ASIC2: variants seen among roughly 807,000 people sequenced by gnomAD.
The protein encoded by ASIC2 is acid-sensing ion channel 2.
A neutral mutation model predicts 57.3 loss-of-function variants in ASIC2; 25 were observed. The observed-to-expected ratio is 0.44, with a 90% confidence interval of 0.32 to 0.61. ASIC2 has a LOEUF of 0.61. Ranked by LOEUF, ASIC2 falls within the 20% of genes least tolerant of loss-of-function variation. The pLI is 0.06. For missense variants in ASIC2, 641 were observed against 738.1 expected, an observed-to-expected ratio of 0.87 and a Z score of 1.52; for synonymous variants, 319 against 307.5, an observed-to-expected ratio of 1.04 and a Z score of -0.39.
At chr17:33,246,883 C>A (rs1258004988) in intron 1 of ASIC2, among the ~76,000 whole-genome samples, 1 of 152,120 alleles carries the variant, frequency 6.6e-6, no homozygotes, top group Non-Finnish European at 1.5e-5. Flanking sequence ...ATTGAGGGTT[C>A]CCCAGCACAG....
chr17:33,610,054 G>GCGCGCACGCACACACACACACA (rs375575593), intron 1 of ASIC2, among the ~76,000 whole-genome samples: 1 of 144,736 alleles, frequency 6.9e-6, no homozygotes, highest in African/African-American at 2.6e-5. Context: ...GGACAGAGGC[G>GCGCGCACGCACACACACACACA]CACACACACA....
chr17:34,039,383 G>C (rs548350741), intron 1 of ASIC2: 2 of 1,613,930 alleles, frequency 1.2e-6, no homozygotes, highest in East Asian at 4.5e-5. Context: ...CTTTGCGCCA[G>C]CTGCTCTGTG....
intron 1 of ASIC2, among the ~76,000 whole-genome samples, chr17:33,493,585 T>C (rs73273246): frequency 0.022 from 3,406 of 152,296 alleles, 133 homozygotes; most frequent in African/African-American, 0.078. Context: ...GCTGCTTTCC[T>C]CTTCCATTTT....
At chr17:33,708,121 G>A (rs994584124) in intron 1 of ASIC2, among the ~76,000 whole-genome samples, 11 of 152,176 alleles carry the variant, frequency 7.2e-5, no homozygotes, top group African/African-American at 2.7e-4. Context: ...GTAAAGAAGG[G>A]AATGTGGGGG....
chr17:33,269,090 A>G (rs1380649800), intron 1 of ASIC2, among the ~76,000 whole-genome samples: 4 of 152,196 alleles, frequency 2.6e-5, no homozygotes, highest in Admixed American at 2.6e-4. Flanking sequence ...CAGGAAGTGC[A>G]TTGTGAGGAG....
chr17:33,606,144 A>G (rs575480710), intron 1 of ASIC2, among the ~76,000 whole-genome samples: 15 of 152,346 alleles, frequency 9.8e-5, no homozygotes, highest in African/African-American at 3.6e-4. Flanking sequence ...CCAGGCAGAA[A>G]TATTTGCCAT....
chr17:33,264,295 C>A (rs1393889890), intron 1 of ASIC2, among the ~76,000 whole-genome samples: 4 of 152,362 alleles, frequency 2.6e-5, no homozygotes, highest in Non-Finnish European at 2.9e-5. Flanking sequence ...TATGGCCCCA[C>A]TCAGAGCCAT....
chr17:33,056,596 C>A (rs2091999057), intron 3 of ASIC2, among the ~76,000 whole-genome samples: 1 of 152,166 alleles, frequency 6.6e-6, no homozygotes, highest in Non-Finnish European at 1.5e-5. Flanking sequence ...GCTGGGTGTT[C>A]AGGGCTGGTA....
chr17:33,579,456 G>C (rs1011687505), intron 1 of ASIC2, among the ~76,000 whole-genome samples: 7 of 152,078 alleles, frequency 4.6e-5, no homozygotes, highest in African/African-American at 1.4e-4. Flanking sequence ...TACCCATCCA[G>C]TTTATTCATT....
chr17:33,336,410 T>C (rs549812340), intron 1 of ASIC2, among the ~76,000 whole-genome samples: 20 of 152,210 alleles, frequency 1.3e-4, no homozygotes, highest in Admixed American at 2.0e-4. Context: ...ACTAAAATGT[T>C]GTTTATTTTC....
intron 1 of ASIC2, among the ~76,000 whole-genome samples, chr17:33,757,580 G>A (rs1910646279): frequency 6.6e-6 from 1 of 152,156 alleles, no homozygotes; most frequent in Non-Finnish European, 1.5e-5. Flanking sequence ...AGGAGGTGGG[G>A]GCACATAGCT....
intron 1 of ASIC2, among the ~76,000 whole-genome samples, chr17:34,074,326 C>A (rs866063997): frequency 1.3e-5 from 2 of 152,144 alleles, no homozygotes; most frequent in African/African-American, 2.4e-5. Context: ...TTCTAACGAT[C>A]CCCAAATCTA....
chr17:33,764,870 G>A (rs545077983), intron 1 of ASIC2, among the ~76,000 whole-genome samples: 1 of 152,202 alleles, frequency 6.6e-6, no homozygotes, highest in African/African-American at 2.4e-5. Context: ...ATACATTCAC[G>A]TGCCTGACTT....
At chr17:33,167,112 C>T (rs536661932) in intron 1 of ASIC2, among the ~76,000 whole-genome samples, 60 of 152,204 alleles carry the variant, frequency 3.9e-4, no homozygotes, top group African/African-American at 1.4e-3. Context: ...TGTTCCAAAC[C>T]CCATGTTTTA....
rs565929165 is a variant in ASIC2 at position 33,098,045 on chromosome 17, G to A, written c.860-9055C>T. 1.2e-4 allele frequency among the ~76,000 whole-genome samples: 19 copies of A among 152,186 alleles called. No individual in the cohort carries two copies. In the South Asian group the frequency reaches 3.5e-3, roughly 28 times the overall value. ...CTCTTAGTCCCACTACCTAATTGCC[G>A]GGTGACCTCAGGCACGTTAAATTGC... On this transcript the variant is annotated intron_variant, in intron 2 of 9. Coordinates refer to ENST00000225823, the MANE Select transcript of ASIC2 (RefSeq NM_183377.2).
intron 1 of ASIC2, among the ~76,000 whole-genome samples, chr17:34,130,969 G>A (rs564171070): frequency 1.4e-4 from 21 of 152,314 alleles, no homozygotes; most frequent in Non-Finnish European, 2.5e-4. Flanking sequence ...GAGAGATCGA[G>A]AAAGCCTTCG....
chr17:33,666,829 C>A (rs1381970283), intron 1 of ASIC2, among the ~76,000 whole-genome samples: 1 of 152,192 alleles, frequency 6.6e-6, no homozygotes, highest in Non-Finnish European at 1.5e-5. Flanking sequence ...CGTTTCTCTG[C>A]TGGTCTGCTG....
chr17:33,788,369 G>A (rs575309921), intron 1 of ASIC2, among the ~76,000 whole-genome samples: 4 of 152,152 alleles, frequency 2.6e-5, no homozygotes, highest in East Asian at 3.9e-4. Context: ...ATCTCATGCC[G>A]ACAGAATGGT....
In ASIC2 at chr17:33,858,153, C is replaced by T. The variant is rs150350558; in HGVS notation, c.555+297825G>A. Among the ~76,000 whole-genome samples, 326 of 152,334 alleles carry T rather than the reference C, an allele frequency of 2.1e-3. 2 individuals are homozygous for T. The highest frequency in any genetic ancestry group is 7.6e-3 in the African/African-American group (316 of 41,566). On this transcript the variant is annotated intron_variant, in intron 1 of 9. Transcript: ENST00000359872. ...TTCCACTCTGGGCCAGTTGTTCACC[C>T]CAGCCTCTACCCTGTTTCTGCCTCG...
Sources: allele counts gnomAD v4.1 joint callset (sites outside exome capture counted in the v4.1 genomes callset), GRCh38; gene constraint gnomAD v4.1.1; transcripts MANE v1.5; gene names NCBI Gene and HGNC (gene_info 2026-07-23, HGNC 2026-07-21).